LRP1B: variants seen among roughly 807,000 people sequenced by gnomAD.
The protein encoded by LRP1B is LDL receptor related protein 1B.
In LRP1B, 217 loss-of-function variants were observed where a neutral mutation model predicts 556.6. The ratio of observed to expected loss-of-function variants is 0.39; its 90% CI spans 0.35 to 0.44. LRP1B has a LOEUF of 0.44. Ranked by LOEUF, LRP1B falls within the 20% of genes least tolerant of loss-of-function variation. The pLI, the probability that LRP1B is intolerant of heterozygous loss-of-function variation, is 1.00. For missense variants in LRP1B, 5,053 were observed against 5,620.8 expected (o/e 0.90, Z 3.23); for synonymous variants, 2,047 against 1,865.8 (o/e 1.10, Z -2.50).
intron 18 of LRP1B, among the ~76,000 whole-genome samples, chr2:140,966,087 G>T (rs1391375987): frequency 2.6e-5 from 4 of 152,136 alleles, no homozygotes; most frequent in Non-Finnish European, 5.9e-5. Context: ...GGATGGCTGG[G>T]TCAAATGGTA....
At chr2:140,842,179 T>C (rs770186553) in intron 29 of LRP1B, among the ~76,000 whole-genome samples, 5 of 152,176 alleles carry the variant, frequency 3.3e-5, no homozygotes, top group Admixed American at 2.6e-4. Flanking sequence ...TTTATTCTTT[T>C]CAAAAGAAGC....
At chr2:140,534,409 C>T (rs1169479765) in intron 46 of LRP1B, among the ~76,000 whole-genome samples, 2 of 152,150 alleles carry the variant, frequency 1.3e-5, no homozygotes, top group Non-Finnish European at 2.9e-5. Context: ...GTTTCTGGCA[C>T]TTCTGTCAAG....
rs547888664 is a variant in LRP1B, at chr2:140,849,523, A to T, written c.4939+579T>A. Among the ~76,000 whole-genome samples, 7 of 152,062 alleles carry T rather than the reference A, an allele frequency of 4.6e-5. No homozygotes were observed. In the East Asian group the frequency reaches 1.3e-3, roughly 29 times the overall value. On this transcript the variant is annotated intron_variant, in intron 29 of 90. Coordinates refer to ENST00000389484, the MANE Select transcript of LRP1B (RefSeq NM_018557.3). The stretch of plus-strand genomic sequence containing the variant: ...ACACTTTAAGTCTATTTATTTAGAC[A>T]TGTAAATTTTTTTTTAATTTTTATT...
At chr2:141,535,540 A>T (rs1174802227) in intron 2 of LRP1B, among the ~76,000 whole-genome samples, 1 of 86,636 alleles carries the variant, frequency 1.2e-5, no homozygotes, top group African/African-American at 5.4e-5. Context: ...GCAATGGTAT[A>T]AAAAAAAAAA....
chr2:140,520,085 A>T (rs988468637), intron 49 of LRP1B, among the ~76,000 whole-genome samples: 2 of 152,162 alleles, frequency 1.3e-5, no homozygotes, highest in Non-Finnish European at 2.9e-5. Flanking sequence ...ATATCATTTG[A>T]CCTAGTGATC....
At chr2:140,790,147 C>T (rs556620257) in intron 32 of LRP1B, among the ~76,000 whole-genome samples, 28 of 152,254 alleles carry the variant, frequency 1.8e-4, no homozygotes, top group African/African-American at 6.7e-4. Context: ...AATGCAACCT[C>T]CATGAAGGCG....
In LRP1B at chr2:142,040,643, G is replaced by A. The variant is rs1265178965; in HGVS notation, c.82+90005C>T. Among the ~76,000 whole-genome samples the A allele has an allele frequency of 2.1e-5, 3 of 145,816 alleles. No individual in the cohort carries two copies. In the East Asian group the frequency reaches 6.0e-4, roughly 29 times the overall value. ...ACTGAGGTTTTTTTTTTTTTTAATA[G>A]CTAGTTCAGTTTGGTCTGAAAGCAA... On this transcript the variant is annotated intron_variant, in intron 1 of 90. Transcript: ENST00000389484.
At chr2:140,609,493 A>G (rs545807932) in intron 41 of LRP1B, among the ~76,000 whole-genome samples, 1 of 152,240 alleles carries the variant, frequency 6.6e-6, no homozygotes, top group East Asian at 1.9e-4. Context: ...GAATTAATAT[A>G]TCTTTGGGTA....
At chr2:140,781,986 G>A (rs186087890) in intron 32 of LRP1B, among the ~76,000 whole-genome samples, 107 of 152,216 alleles carry the variant, frequency 7.0e-4, no homozygotes, top group Non-Finnish European at 7.4e-5. Context: ...ACAATGTTTT[G>A]CATTCTTTTG....
intron 72 of LRP1B, among the ~76,000 whole-genome samples, chr2:140,359,895 G>C (rs1682428309): frequency 6.6e-6 from 1 of 151,498 alleles, no homozygotes; most frequent in Non-Finnish European, 1.5e-5. Flanking sequence ...CCAAAAGTCT[G>C]GAATTATTCT....
intron 84 of LRP1B, among the ~76,000 whole-genome samples, chr2:140,286,890 A>T (rs1683174002): frequency 6.6e-6 from 1 of 151,796 alleles, no homozygotes; most frequent in Non-Finnish European, 1.5e-5. Context: ...GACTTTTCTT[A>T]TAGATTATCG....
intron 2 of LRP1B, among the ~76,000 whole-genome samples, chr2:141,776,120 A>G (rs1418726967): frequency 6.6e-6 from 1 of 152,140 alleles, no homozygotes; most frequent in Non-Finnish European, 1.5e-5. Context: ...TGCTGGGATT[A>G]CAGGCATGAG....
At chr2:140,992,656 T>C (rs1697126362) in intron 16 of LRP1B, 1 of 152,084 alleles carries the variant, frequency 6.6e-6, no homozygotes, top group Non-Finnish European at 1.5e-5. Flanking sequence ...CTGATTAGTC[T>C]TAAAAGTAAT....
intron 87 of LRP1B, among the ~76,000 whole-genome samples, chr2:140,242,717 G>C (rs1484550866): frequency 6.6e-6 from 1 of 150,972 alleles, no homozygotes; most frequent in Non-Finnish European, 1.5e-5. Context: ...CAAATCCTCT[G>C]TTGTCAGTGA....
At chr2:141,583,599 T>C (rs1687026985) in intron 2 of LRP1B, among the ~76,000 whole-genome samples, 1 of 151,734 alleles carries the variant, frequency 6.6e-6, no homozygotes, top group Non-Finnish European at 1.5e-5. Flanking sequence ...CTATGTTTTC[T>C]TTTATATTAC....
chr2:140,310,547 G>C (rs1385536382), intron 83 of LRP1B, among the ~76,000 whole-genome samples: 1 of 151,572 alleles, frequency 6.6e-6, no homozygotes, highest in Non-Finnish European at 1.5e-5. Context: ...TATAAAAATA[G>C]ATACATGGAT....
intron 66 of LRP1B, among the ~76,000 whole-genome samples, chr2:140,412,409 T>G (rs1345743548): frequency 6.6e-6 from 1 of 152,064 alleles, no homozygotes; most frequent in Non-Finnish European, 1.5e-5. Context: ...ATGGACTAGA[T>G]ATATTATATT....
At chr2:141,650,303 C>T (rs1195227165) in intron 2 of LRP1B, among the ~76,000 whole-genome samples, 1 of 152,082 alleles carries the variant, frequency 6.6e-6, no homozygotes, top group African/African-American at 2.4e-5. Flanking sequence ...TATGATTTAG[C>T]CTACTTCTTT....
At chr2:141,971,786 T>C (rs1701741975) in intron 1 of LRP1B, among the ~76,000 whole-genome samples, 2 of 151,494 alleles carry the variant, frequency 1.3e-5, no homozygotes, top group Non-Finnish European at 3.0e-5. Context: ...CTTTACTTCC[T>C]CCTTCCCTTC....
Sources: gnomAD v4.1 joint callset for allele counts (sites outside exome capture counted in the v4.1 genomes callset) on GRCh38, gnomAD v4.1.1 for gene constraint, MANE v1.5 for transcripts, NCBI Gene and HGNC (gene_info 2026-07-23, HGNC 2026-07-21) for gene names.